CACUL1: variants seen among roughly 807,000 people sequenced by gnomAD.
CACUL1 encodes the protein CDK2 associated cullin domain 1.
A neutral mutation model predicts 45.2 loss-of-function variants in CACUL1; 13 were observed. That is an observed-to-expected ratio of 0.29 (90% CI 0.19 to 0.46). The LOEUF (loss-of-function observed/expected upper bound fraction) is 0.46. Ranked by LOEUF, CACUL1 falls within the 20% of genes least tolerant of loss-of-function variation. The probability of loss-of-function intolerance (pLI) is 1.00; values close to 1 mark genes in which losing one functional copy is unlikely to be tolerated. For missense variants in CACUL1, 421 were observed against 471.4 expected, an observed-to-expected ratio of 0.89 and a Z score of 0.99; for synonymous variants, 197 against 174.2, an observed-to-expected ratio of 1.13 and a Z score of -1.03.
chr10:118,698,556 G>A (rs1334823868), intron 5 of CACUL1, among the ~76,000 whole-genome samples: 1 of 152,104 alleles, frequency 6.6e-6, no homozygotes, highest in African/African-American at 2.4e-5. Flanking sequence ...CTGAGCCGAG[G>A]ACCTAAGATA....
In CACUL1 at chr10:118,707,500, T is replaced by C. The variant is rs757791637; in HGVS notation, c.685A>G (p.Ile229Val). Residue 229 changes from isoleucine (I) to valine (V), a missense_variant, in exon 4 of 9, where the codon ATA becomes GTA. Coordinates refer to ENST00000369151, the MANE Select transcript of CACUL1 (RefSeq NM_153810.5). ...AAGGAGCTCTTACTTACCATATATA[T>C]GAAAAGAGGCACAATGCTCTGCAAT... ...GALQSIVPLF[I>V]YMNKFYIETK... is the part of the protein sequence containing the mutation. 1.9e-5 allele frequency: 29 copies of C among 1,498,476 alleles called. No homozygotes were observed. Among genetic ancestry groups the C allele is most frequent in the Non-Finnish European group, 2.3e-5 (25 of 1,076,302 alleles). The allele number at this position is 1,498,476 out of a possible 1,614,324, so 92.8% of individuals were successfully genotyped here.
Position 118,753,861 on chromosome 10 carries a change from T to C in CACUL1, c.367+535A>G, listed in dbSNP as rs543110614. Among the ~76,000 whole-genome samples the C allele has an allele frequency of 2.4e-3, 372 of 152,318 alleles. 1 individual carries two copies. Among genetic ancestry groups the C allele is most frequent in the Non-Finnish European group, 3.7e-3 (250 of 68,022 alleles). Reference sequence around the variant, plus strand: ...TTATTTCCCTAGCAGGATGCAAAAGTGTAACACAGTAGAGAAGGAACAAGG... The same window carrying C: ...TTATTTCCCTAGCAGGATGCAAAAGCGTAACACAGTAGAGAAGGAACAAGG... On this transcript the variant is annotated intron_variant, in intron 1 of 8. Coordinates refer to ENST00000369151, the MANE Select transcript of CACUL1 (RefSeq NM_153810.5).
At chr10:118,752,322 T>C (rs536703720) in intron 1 of CACUL1, among the ~76,000 whole-genome samples, 67 of 152,324 alleles carry the variant, frequency 4.4e-4, no homozygotes, top group African/African-American at 1.6e-3. Context: ...TTTATCTAGT[T>C]ATCTTGTACT....
intron 1 of CACUL1, among the ~76,000 whole-genome samples, chr10:118,737,896 C>T (rs923809439): frequency 1.3e-5 from 2 of 152,202 alleles, no homozygotes; most frequent in Admixed American, 6.5e-5. Flanking sequence ...GCTCCAACTC[C>T]ACCTAATCCA....
chr10:118,740,366 T>C (rs1845780596), intron 1 of CACUL1, among the ~76,000 whole-genome samples: 1 of 152,082 alleles, frequency 6.6e-6, no homozygotes, highest in Non-Finnish European at 1.5e-5. Context: ...TCCCAGCACT[T>C]TGGGAGGCCA....
At chr10:118,723,671 T>C (rs1400262310) in intron 3 of CACUL1, among the ~76,000 whole-genome samples, 1 of 152,222 alleles carries the variant, frequency 6.6e-6, no homozygotes, top group Non-Finnish European at 1.5e-5. Flanking sequence ...ATACTGCTTA[T>C]GAAAAACTAT....
chr10:118,687,933 A>G (rs1845225074), intron 7 of CACUL1, among the ~76,000 whole-genome samples: 1 of 152,240 alleles, frequency 6.6e-6, no homozygotes, highest in Non-Finnish European at 1.5e-5. Context: ...TGCCTAGAAG[A>G]GTATAGACAA....
chr10:118,749,665 A>G (rs1845876735), intron 1 of CACUL1, among the ~76,000 whole-genome samples: 1 of 152,232 alleles, frequency 6.6e-6, no homozygotes, highest in African/African-American at 2.4e-5. Flanking sequence ...TTAGGGAGAT[A>G]GTACATTTGG....
chr10:118,726,645 A>G (rs1845654143), intron 3 of CACUL1, among the ~76,000 whole-genome samples: 1 of 152,228 alleles, frequency 6.6e-6, no homozygotes, highest in Non-Finnish European at 1.5e-5. Flanking sequence ...TAAGAAAAGA[A>G]TGAAGAAGCA....
At chr10:118,725,864 G>A (rs1427857192) in intron 3 of CACUL1, among the ~76,000 whole-genome samples, 1 of 152,090 alleles carries the variant, frequency 6.6e-6, no homozygotes, top group Non-Finnish European at 1.5e-5. Flanking sequence ...GAGAATATGG[G>A]AACATTATTT....
rs1845157939 is a variant in CACUL1 at position 118,681,973 on chromosome 10, G to T, written c.*4155C>A. The T allele has an allele frequency of 6.6e-6, 1 of 152,090 alleles. No individual in the cohort carries two copies. The highest frequency in any genetic ancestry group is 1.5e-5 in the Non-Finnish European group (1 of 68,034). 9.4% of individuals were successfully genotyped at this position (152,090 alleles called of 1,614,324 possible). On this transcript the variant is annotated 3_prime_UTR_variant, in exon 9 of 9. Transcript: ENST00000369151. ...AGAAACAGGAGAGCCATTTCTCCAG[G>T]AACTCCTATGACCTCCATTTTAACT...
intron 3 of CACUL1, among the ~76,000 whole-genome samples, chr10:118,715,979 G>GTA (rs1232125563): frequency 6.6e-6 from 1 of 152,206 alleles, no homozygotes; most frequent in East Asian, 1.9e-4. Flanking sequence ...GCTCACACCT[G>GTA]TAATCCCAGC....
Position 118,754,444 on chromosome 10 carries a change from GGGCGGGGGCCGCCTTGGCCACGGCGGC to G in CACUL1, c.292_318del (p.Ala98_Ala106del), listed in dbSNP as rs1564841800. 1 of 1,576,940 alleles carries G rather than the reference GGGCGGGGGCCGCCTTGGCCACGGCGGC, an allele frequency of 6.3e-7. No individual in the cohort carries two copies. The highest frequency in any genetic ancestry group is 8.6e-7 in the Non-Finnish European group (1 of 1,161,884). ...ATGTTGATGGTGGAGCTGGCGGTGG[GGGCGGGGGCCGCCTTGGCCACGGCGGC>G]GGCCGCGTCGCAGCTCTTCAACATC... On this transcript the variant is annotated inframe_deletion, in exon 1 of 9. Coordinates refer to ENST00000369151, the MANE Select transcript of CACUL1 (RefSeq NM_153810.5).
At chr10:118,729,183 TA>T in intron 3 of CACUL1, 111 bp downstream of exon 3, 1 of 684,130 alleles carries the variant, frequency 1.5e-6, no homozygotes, top group Non-Finnish European at 2.5e-6. Context: ...AAAACATTTA[TA>T]AATTTATATC....
chr10:118,744,216 G>A (rs1377103545), intron 1 of CACUL1, among the ~76,000 whole-genome samples: 3 of 152,054 alleles, frequency 2.0e-5, no homozygotes, highest in African/African-American at 2.4e-5. Context: ...CAGAAACCCC[G>A]TCTCTACTAA....
intron 1 of CACUL1, among the ~76,000 whole-genome samples, chr10:118,737,602 T>C (rs1845752141): frequency 6.6e-6 from 1 of 150,624 alleles, no homozygotes; most frequent in Admixed American, 6.6e-5. Flanking sequence ...AACACACAGT[T>C]ACTGTTTTAC....
rs1211475122 is a variant in CACUL1, at chr10:118,754,405, AGGT to A, written c.355_357del (p.Thr119del). The A allele has an allele frequency of 6.4e-7, 1 of 1,564,902 alleles. No individual in the cohort carries two copies. The highest frequency in any genetic ancestry group is 8.6e-7 in the Non-Finnish European group (1 of 1,156,566). On this transcript the variant is annotated inframe_deletion, in exon 1 of 9. Transcript: ENST00000369151. ...GAAAGGCTGGACTCACAGAACTTGGAGGTGGAGGTGTTGATGTTGATGGTGGAG... is the reference window on the plus strand; with the variant it reads ...GAAAGGCTGGACTCACAGAACTTGGAGGAGGTGTTGATGTTGATGGTGGAG...
In CACUL1 at chr10:118,680,425, T is replaced by G. The variant is rs1845141921; in HGVS notation, c.*5703A>C. 6.6e-6 allele frequency: 1 copy of G among 152,032 alleles called. No individual in the cohort carries two copies. Among genetic ancestry groups the G allele is most frequent in the South Asian group, 2.1e-4 (1 of 4,834 alleles). 9.4% of individuals were successfully genotyped at this position (152,032 alleles called of 1,614,324 possible). ...AAAGTAGATAACATCACAACAGAGC[T>G]GAGGTCAAAAAAATGGAAGGGATGA... is the stretch of plus-strand genomic sequence containing the variant. On this transcript the variant is annotated 3_prime_UTR_variant, in exon 9 of 9. Coordinates refer to ENST00000369151, the MANE Select transcript of CACUL1 (RefSeq NM_153810.5).
At chr10:118,709,421 TA>T (rs1423832542) in intron 3 of CACUL1, among the ~76,000 whole-genome samples, 2 of 152,202 alleles carry the variant, frequency 1.3e-5, no homozygotes, top group South Asian at 2.1e-4. Flanking sequence ...ATTTTAACAC[TA>T]AAGAAACACC....
Sources: gnomAD v4.1 joint callset for allele counts (sites outside exome capture counted in the v4.1 genomes callset) on GRCh38, gnomAD v4.1.1 for gene constraint, MANE v1.5 for transcripts, NCBI Gene and HGNC (gene_info 2026-07-23, HGNC 2026-07-21) for gene names.